Variants in ASTN1 observed in about 807,000 individuals in gnomAD.
ASTN1 encodes the protein astrotactin-1.
Under a neutral mutation model 140.7 loss-of-function variants are expected in ASTN1, and 41 were observed. The observed-to-expected ratio is 0.29, with a 90% CI of 0.23 to 0.38. The LOEUF (loss-of-function observed/expected upper bound fraction) is 0.38. Among genes scored for constraint, ASTN1 ranks in the 10% least tolerant of loss-of-function variants. The probability of loss-of-function intolerance (pLI) is 1.00; values close to 1 mark genes in which losing one functional copy is unlikely to be tolerated. For missense variants in ASTN1, 1,479 were observed against 1,678.8 expected (o/e 0.88, Z 2.08); for synonymous variants, 640 against 652.2 (o/e 0.98, Z 0.29).
intron 2 of ASTN1, among the ~76,000 whole-genome samples, chr1:177,048,170 G>C (rs899033087): frequency 1.3e-5 from 2 of 152,186 alleles, no homozygotes; most frequent in South Asian, 4.1e-4. Flanking sequence ...CGCCAGAGGG[G>C]CTCAGGATGT....
At chr1:177,025,968 G>A (rs1037607424) in intron 5 of ASTN1, among the ~76,000 whole-genome samples, 9 of 152,132 alleles carry the variant, frequency 5.9e-5, no homozygotes, top group African/African-American at 2.2e-4. Context: ...ACTAAGGTGT[G>A]GAGCCAGATA....
intron 21 of ASTN1, among the ~76,000 whole-genome samples, chr1:176,876,262 G>T (rs577080590): frequency 6.9e-4 from 105 of 152,278 alleles, no homozygotes; most frequent in Non-Finnish European, 1.0e-3. Flanking sequence ...TCAGCACCTG[G>T]CATACAATCG....
At chr1:177,023,131 G>A (rs1675909657) in intron 7 of ASTN1, among the ~76,000 whole-genome samples, 1 of 152,128 alleles carries the variant, frequency 6.6e-6, no homozygotes, top group Non-Finnish European at 1.5e-5. Flanking sequence ...AATATCCCCT[G>A]ACTATGGGAT....
intron 1 of ASTN1, among the ~76,000 whole-genome samples, chr1:177,122,113 C>G (rs1370927169): frequency 6.6e-6 from 1 of 152,164 alleles, no homozygotes; most frequent in African/African-American, 2.4e-5. Flanking sequence ...CCTACTGTTA[C>G]CTGCCAAATC....
intron 13 of ASTN1, 63 bp downstream of exon 13, chr1:176,945,863 A>G: frequency 6.7e-7 from 1 of 1,483,526 alleles, no homozygotes; most frequent in Non-Finnish European, 9.1e-7. Context: ...ATGCTAGTGC[A>G]AACTCTTTAG....
chr1:176,887,804 C>T (rs577836684), intron 18 of ASTN1, among the ~76,000 whole-genome samples: 4 of 152,122 alleles, frequency 2.6e-5, no homozygotes, highest in Admixed American at 1.3e-4. Context: ...GCGCCACCTC[C>T]TCCACAGAGC....
chr1:177,052,870 T>C (rs1413799375), intron 2 of ASTN1, among the ~76,000 whole-genome samples: 1 of 152,200 alleles, frequency 6.6e-6, no homozygotes. Flanking sequence ...AGCAGAATTG[T>C]GTAGCAGAGT....
intron 16 of ASTN1, among the ~76,000 whole-genome samples, chr1:176,917,423 C>A (rs1438593643): frequency 1.3e-5 from 2 of 152,118 alleles, no homozygotes. Flanking sequence ...TAAAACTGTT[C>A]TGTGGATGAC....
At chr1:177,060,968 A>G (rs1260193761) in intron 2 of ASTN1, 110 bp downstream of exon 2, 1 of 1,102,178 alleles carries the variant, frequency 9.1e-7, no homozygotes, top group African/African-American at 1.6e-5. Context: ...AACATGATCA[A>G]TGATCATTAC....
intron 1 of ASTN1, among the ~76,000 whole-genome samples, chr1:177,066,837 C>T (rs940097031): frequency 1.3e-5 from 2 of 152,174 alleles, no homozygotes; most frequent in Admixed American, 1.3e-4. Context: ...CCCTTTCTCA[C>T]TCCTAGCAAG....
At chr1:177,002,376 AACACACACAC>A (rs3979529) in intron 8 of ASTN1, among the ~76,000 whole-genome samples, 53,643 of 148,542 alleles carry the variant, frequency 0.36, 10,193 homozygotes, top group East Asian at 0.82. Flanking sequence ...CTTACACACA[AACACACACAC>A]ACACACACAC....
At chr1:177,147,085 A>G (rs1391973158) in intron 1 of ASTN1, among the ~76,000 whole-genome samples, 3 of 152,194 alleles carry the variant, frequency 2.0e-5, no homozygotes, top group African/African-American at 7.2e-5. Flanking sequence ...GACTGCTAGT[A>G]TAGTTTGGTG....
intron 8 of ASTN1, among the ~76,000 whole-genome samples, chr1:176,988,351 C>T (rs1674006456): frequency 6.6e-6 from 1 of 151,274 alleles, no homozygotes; most frequent in Non-Finnish European, 1.5e-5. Context: ...TTTTAGATCC[C>T]CAAATGTTTG....
At chr1:177,154,667 A>G (rs1165275731) in intron 1 of ASTN1, among the ~76,000 whole-genome samples, 1 of 132,024 alleles carries the variant, frequency 7.6e-6, no homozygotes, top group African/African-American at 4.2e-5. Flanking sequence ...TTGCAAGAAC[A>G]CATACCAAAA....
At position 177,060,938 on chromosome 1, in the gene ASTN1, A is replaced by G. The variant is rs184082293; in HGVS notation, c.471+140T>C. On this transcript the variant is annotated intron_variant, in intron 2 of 22. Transcript: ENST00000361833. ...CATCACAGGTGGATGCATTTCCCAC[A>G]AATGGGAAATTTACTTATTAACATG... 34 of 903,686 alleles carry G rather than the reference A, an allele frequency of 3.8e-5. No homozygotes were observed. The East Asian group carries it at 1.0e-3, about 27-fold the overall frequency. 56.0% of individuals were successfully genotyped at this position (903,686 alleles called of 1,614,324 possible).
At chr1:176,975,298 G>T (rs4415524) in intron 8 of ASTN1, among the ~76,000 whole-genome samples, 1 of 152,178 alleles carries the variant, frequency 6.6e-6, no homozygotes, top group African/African-American at 2.4e-5. Flanking sequence ...AAGTGGCAAG[G>T]GTGAACAAGG....
Position 176,936,348 on chromosome 1 carries a change from C to G in ASTN1, c.2400G>C (p.Val800=). 6.2e-7 allele frequency: 1 copy of G among 1,613,022 alleles called. No homozygotes were observed. Among genetic ancestry groups the G allele is most frequent in the East Asian group, 2.2e-5 (1 of 44,864 alleles). ...AGTGCTGCAGCACAGGGTACCCAGA[C>G]ACTTCACTGAAGTTCACCATCCCTA... ...FLTGMVNFSE[V]SGYPVLQHWK... Residue 800 remains valine (V), a synonymous_variant, in exon 15 of 23, where the codon GTG becomes GTC. Transcript: ENST00000361833.
intron 17 of ASTN1, among the ~76,000 whole-genome samples, chr1:176,892,459 C>T (rs1669307306): frequency 6.6e-6 from 1 of 152,070 alleles, no homozygotes; most frequent in African/African-American, 2.4e-5. Flanking sequence ...TAGGAAGTGG[C>T]CCTAGTCTCC....
Position 176,862,924 on chromosome 1 carries a change from TGG to T in ASTN1, c.*1358_*1359del. 1.0e-6 allele frequency: 1 copy of T among 985,504 alleles called. No homozygotes were observed. Among genetic ancestry groups the T allele is most frequent in the Non-Finnish European group, 1.2e-6 (1 of 829,960 alleles). The allele number at this position is 985,504 out of a possible 1,614,324, so 61.0% of individuals were successfully genotyped here. On this transcript the variant is annotated 3_prime_UTR_variant, in exon 23 of 23. Transcript: ENST00000361833. ...TCATATGTTTCCAGATGAGGAGCCC[TGG>T]TCAAAGGCATGGTGGCTGAAGGTGT... is the stretch of plus-strand genomic sequence containing the variant.
Sources: gnomAD v4.1 joint callset for allele counts (sites outside exome capture counted in the v4.1 genomes callset) on GRCh38, gnomAD v4.1.1 for gene constraint, MANE v1.5 for transcripts, NCBI Gene and HGNC (gene_info 2026-07-23, HGNC 2026-07-21) for gene names.